The following SLC27A3 variants were observed in gnomAD, a reference collection of about 807,000 sequenced individuals.
The protein encoded by SLC27A3 is solute carrier family 27 member 3.
SLC27A3 carries 60 observed loss-of-function variants against 60.1 expected under a neutral mutation model. The ratio of observed to expected loss-of-function variants is 1.00; its 90% CI spans 0.81 to 1.24. The LOEUF (loss-of-function observed/expected upper bound fraction) is 1.24, where lower values mean the gene tolerates loss of function less well. Among genes scored for constraint, SLC27A3 ranks in the 50% most tolerant of loss-of-function variants. The pLI is 0.00. For missense variants in SLC27A3, 1,079 were observed against 929.9 expected (o/e 1.16, Z -2.09); for synonymous variants, 455 against 409.0 (o/e 1.11, Z -1.36).
At position 153,779,121 on chromosome 1, in the gene SLC27A3, G is replaced by C. The variant is rs200472466; in HGVS notation, c.1654G>C (p.Gly552Arg). ...DRTGDTFRWK[G>R]ENVATTEVAE... The stretch of plus-strand genomic sequence containing the variant: ...ATCTCTGCTCTCTGACAGGTGGAAG[G>C]GGGAGAATGTGGCCACAACCGAGGT... Residue 552 changes from glycine (G) to arginine (R), a missense_variant, in exon 8 of 10, where the codon GGG becomes CGG. Coordinates refer to ENST00000624995, the MANE Select transcript of SLC27A3 (RefSeq NM_024330.4). The C allele has an allele frequency of 1.9e-6, 3 of 1,614,142 alleles. No homozygotes were observed. In the East Asian group the frequency reaches 6.7e-5, roughly 36 times the overall value.
intron 9 of SLC27A3, 165 bp downstream of exon 9, chr1:153,779,638 C>A: frequency 1.1e-6 from 1 of 947,552 alleles, no homozygotes; most frequent in Non-Finnish European, 1.6e-6. Context: ...AAGCTCTTCA[C>A]CCCACTTCTT....
rs764205164 is a variant in SLC27A3, at chr1:153,779,388, C to A, written c.1790C>A (p.Pro597His). 1 of 1,613,088 alleles carries A rather than the reference C, an allele frequency of 6.2e-7. No individual in the cohort carries two copies. The highest frequency in any genetic ancestry group is 8.5e-7 in the Non-Finnish European group (1 of 1,179,710). Residue 597 changes from proline (P) to histidine (H), a missense_variant, in exon 9 of 10, where the codon CCC becomes CAC. Transcript: ENST00000624995. ...AGMAALVLRP[P>H]HALDLMQLYT... The stretch of plus-strand genomic sequence containing the variant: ...ATGGCAGCCCTAGTTCTGCGTCCCC[C>A]CCACGCTTTGGACCTTATGCAGCTC...
At chr1:153,776,337 A>C (rs1673221381) in intron 1 of SLC27A3, 173 bp downstream of exon 1, 1 of 1,376,996 alleles carries the variant, frequency 7.3e-7, no homozygotes, top group South Asian at 1.5e-5. Context: ...GATGAGGCTG[A>C]ATCTTTGGTG....
chr1:153,780,034 A>AACTC lies in SLC27A3; in HGVS notation c.*33_*36dup. ...CCACACCTGAGGCACCTGAGAGAGG[A>AACTC]ACTCTGTGGGGTGGGGGCCGTTGCA... On this transcript the variant is annotated 3_prime_UTR_variant, in exon 10 of 10. Transcript: ENST00000624995. The AACTC allele has an allele frequency of 6.3e-7, 1 of 1,586,488 alleles. No individual in the cohort carries two copies. The highest frequency in any genetic ancestry group is 8.6e-7 in the Non-Finnish European group (1 of 1,164,348).
At chr1:153,777,258 G>A in intron 3 of SLC27A3, 38 bp downstream of exon 3, 1 of 1,611,370 alleles carries the variant, frequency 6.2e-7, no homozygotes, top group Non-Finnish European at 8.5e-7. Flanking sequence ...AATTCATCCA[G>A]TAGACATTTA....
Position 153,776,006 on chromosome 1 carries a change from T to C in SLC27A3, c.509T>C (p.Val170Ala), listed in dbSNP as rs753854112. The part of the protein sequence containing the change: ...AAAPLSPGAT[V>A]ALLLPAGPEF... ...GCCCCTCTGTCACCTGGAGCAACTG[T>C]GGCGCTGCTCCTCCCCGCTGGCCCA... The change falls in exon 1 of 10, where the codon GTG becomes GCG. Residue 170 changes from valine to alanine, a missense_variant. Physicochemically the swap from Val to Ala is moderately conservative, Grantham distance 64 (BLOSUM62 0). Transcript: ENST00000624995. 4.8e-6 allele frequency: 7 copies of C among 1,451,478 alleles called. No individual in the cohort carries two copies. The highest frequency in any genetic ancestry group is 6.3e-6 in the Non-Finnish European group (7 of 1,109,166). 89.9% of individuals were successfully genotyped at this position (1,451,478 alleles called of 1,614,324 possible). A position where few individuals can be genotyped will look rare whatever the true frequency, so the allele number is the denominator to read the frequency against.
chr1:153,776,455 A>C, intron 1 of SLC27A3, 63 bp from the exon 2 acceptor site: 1 of 1,468,168 alleles, frequency 6.8e-7, no homozygotes, highest in Non-Finnish European at 9.3e-7. Flanking sequence ...GGGAGGGGAC[A>C]TGGGTCATAG....
chr1:153,776,389 C>A, intron 1 of SLC27A3, 129 bp from the exon 2 acceptor site: 1 of 1,287,968 alleles, frequency 7.8e-7, no homozygotes, highest in Non-Finnish European at 1.1e-6. Flanking sequence ...GCCTCAGACC[C>A]AAGATGGAAT....
chr1:153,777,943 AGG>A, intron 4 of SLC27A3, 58 bp downstream of exon 4: 1 of 1,609,698 alleles, frequency 6.2e-7, no homozygotes, highest in Non-Finnish European at 8.5e-7. Context: ...CACGGGGAGC[AGG>A]ACAGTTGACA....
Position 153,775,627 on chromosome 1 carries a change from A to C in SLC27A3, c.130A>C (p.Arg44=), listed in dbSNP as rs138225868. 1.3e-6 allele frequency: 2 copies of C among 1,562,568 alleles called. No individual in the cohort carries two copies. The highest frequency in any genetic ancestry group is 2.7e-5 in the African/African-American group (2 of 74,114). ...AFAVRALCCK[R]ALRARALAAA... ...TGCGGTGCGAGCTCTGTGCTGCAAA[A>C]GGGCTCTTCGAGCTCGCGCCCTGGC... Residue 44 remains arginine, a synonymous_variant, in exon 1 of 10, where the codon AGG becomes CGG. Coordinates refer to ENST00000624995, the MANE Select transcript of SLC27A3 (RefSeq NM_024330.4).
rs757501953 is a variant in SLC27A3 at position 153,780,054 on chromosome 1, G to A, written c.*52G>A. ...AGAGGAACTCTGTGGGGTGGGGGCCGTTGCAGGTGTACTGGGCTGTCAGGG... is the reference window on the plus strand; with the variant it reads ...AGAGGAACTCTGTGGGGTGGGGGCCATTGCAGGTGTACTGGGCTGTCAGGG... On this transcript the variant is annotated 3_prime_UTR_variant, in exon 10 of 10. Coordinates refer to ENST00000624995, the MANE Select transcript of SLC27A3 (RefSeq NM_024330.4). The A allele has an allele frequency of 3.8e-5, 57 of 1,517,994 alleles. No homozygotes were observed. Among genetic ancestry groups the A allele is most frequent in the East Asian group, 3.6e-4 (15 of 41,622 alleles). The allele number at this position is 1,517,994 out of a possible 1,614,324, so 94.0% of individuals were successfully genotyped here.
At chr1:153,777,001 CA>C in intron 2 of SLC27A3, 60 bp from the exon 3 acceptor site, 2 of 1,576,316 alleles carry the variant, frequency 1.3e-6, no homozygotes, top group African/African-American at 2.7e-5. Flanking sequence ...GGGGTGCAAA[CA>C]GATAGGTAGA....
Position 153,776,003 on chromosome 1 carries a change from C to A in SLC27A3, c.506C>A (p.Thr169Asn). The A allele has an allele frequency of 6.9e-7, 1 of 1,451,562 alleles. No individual in the cohort carries two copies. Among genetic ancestry groups the A allele is most frequent in the Non-Finnish European group, 9.0e-7 (1 of 1,109,194 alleles). 89.9% of individuals were successfully genotyped at this position (1,451,562 alleles called of 1,614,324 possible). A position where few individuals can be genotyped will look rare whatever the true frequency, so the allele number is the denominator to read the frequency against. Residue 169 changes from threonine to asparagine, a missense_variant, in exon 1 of 10, where the codon ACT becomes AAT. Physicochemically the swap from Thr to Asn is moderately conservative, Grantham distance 65. Transcript: ENST00000624995. ...GAAAPLSPGA[T>N]VALLLPAGPE... ...GCCGCCCCTCTGTCACCTGGAGCAA[C>A]TGTGGCGCTGCTCCTCCCCGCTGGC...
At position 153,777,449 on chromosome 1, in the gene SLC27A3, G is replaced by GGGAA. The variant is rs1673288273; in HGVS notation, c.1036+233_1036+236dup. The GGGAA allele has an allele frequency of 1.4e-4, 89 of 629,550 alleles. 1 individual carries two copies. The South Asian group carries it at 1.7e-3, about 12-fold the overall frequency. 39.0% of individuals were successfully genotyped at this position (629,550 alleles called of 1,614,324 possible). ...ACTCCAGGCTGCAGGGTCAAAGGCA[G>GGGAA]GGAAGGACTGTGTCAGTCCAGGAAC... On this transcript the variant is annotated intron_variant, in intron 3 of 9. Transcript: ENST00000624995.
Position 153,776,043 on chromosome 1 carries a change from G to A in SLC27A3, c.546G>A (p.Trp182Ter). The A allele has an allele frequency of 1.4e-6, 2 of 1,459,896 alleles. No individual in the cohort carries two copies. The highest frequency in any genetic ancestry group is 1.4e-5 in the South Asian group (1 of 69,942). The allele number at this position is 1,459,896 out of a possible 1,614,324, so 90.4% of individuals were successfully genotyped here. The change falls in exon 1 of 10, where the codon TGG (tryptophan) becomes TGA (stop). Residue 182 changes from tryptophan to a stop codon, truncating the protein, a stop_gained. Transcript: ENST00000624995. LOFTEE classifies it high-confidence loss of function. ...TCCCCGCTGGCCCAGAGTTTCTGTG[G>A]CTCTGGTTCGGGCTGGCCAAGGCCG... ...LLLPAGPEFL[W>*]LWFGLAKAGL...
intron 7 of SLC27A3, 100 bp from the exon 8 acceptor site, chr1:153,779,014 C>T (rs929307509): frequency 6.2e-6 from 9 of 1,460,298 alleles, no homozygotes; most frequent in Non-Finnish European, 7.7e-6. Context: ...CAGATCTCAC[C>T]ATTTCATCCC....
rs755765156 is a variant in SLC27A3 at position 153,779,400 on chromosome 1, A to G, written c.1802A>G (p.Asp601Gly). 1.2e-6 allele frequency: 2 copies of G among 1,612,258 alleles called. No individual in the cohort carries two copies. The highest frequency in any genetic ancestry group is 1.3e-5 in the African/African-American group (1 of 74,394). ...GTTCTGCGTCCCCCCCACGCTTTGG[A>G]CCTTATGCAGCTCTACACCCACGTG... ...ALVLRPPHALDLMQLYTHVSE... is the reference protein window; with the variant it reads ...ALVLRPPHALGLMQLYTHVSE... Residue 601 changes from aspartate to glycine, a missense_variant, in exon 9 of 10, where the codon GAC (aspartate) becomes GGC (glycine). Physicochemically the swap from Asp to Gly is moderately conservative, Grantham distance 94. Transcript: ENST00000624995.
In SLC27A3 at chr1:153,777,399, G is replaced by A. The variant is rs184153141; in HGVS notation, c.1036+179G>A. The A allele has an allele frequency of 1.7e-4, 131 of 751,662 alleles. No individual in the cohort carries two copies. In the African/African-American group the frequency reaches 2.2e-3, roughly 12 times the overall value. 46.6% of individuals were successfully genotyped at this position (751,662 alleles called of 1,614,324 possible). A position where few individuals can be genotyped will look rare whatever the true frequency, so the allele number is the denominator to read the frequency against. Reference sequence around the variant, plus strand: ...GCCTAGACCTACAGACTGAGGAACGGTGAGGGGGGCCATACAGCCACATAA... The same window carrying A: ...GCCTAGACCTACAGACTGAGGAACGATGAGGGGGGCCATACAGCCACATAA... On this transcript the variant is annotated intron_variant, in intron 3 of 9. Transcript: ENST00000624995.
chr1:153,777,496 G>A, intron 3 of SLC27A3: 1 of 615,072 alleles, frequency 1.6e-6, no homozygotes, highest in Non-Finnish European at 2.8e-6. Context: ...AGAAGAGGGA[G>A]AGAGAGACAA....
Sources: gnomAD v4.1 joint callset for allele counts on GRCh38, gnomAD v4.1.1 for gene constraint, MANE v1.5 for transcripts, NCBI Gene and HGNC (gene_info 2026-07-23, HGNC 2026-07-21) for gene names.